The following ANKFN1 variants were observed in gnomAD, a reference collection of about 807,000 sequenced individuals.
The protein encoded by ANKFN1 is ankyrin repeat and fibronectin type-III domain-containing protein 1.
A neutral mutation model predicts 108.7 loss-of-function variants in ANKFN1; 74 were observed. The ratio of observed to expected loss-of-function variants is 0.68; its 90% CI spans 0.56 to 0.83. The LOEUF (loss-of-function observed/expected upper bound fraction) is 0.83, where lower values mean the gene tolerates loss of function less well. Ranked by LOEUF, ANKFN1 falls within the 40% of genes least tolerant of loss-of-function variation. The pLI is 0.00. For synonymous variants in ANKFN1, 547 were observed against 516.2 expected, an observed-to-expected ratio of 1.06 and a Z score of -0.81; for missense variants, 1,505 against 1,382.3, an observed-to-expected ratio of 1.09 and a Z score of -1.41.
chr17:56,254,210 C>A (rs2043303840), intron 3 of ANKFN1: 1 of 152,172 alleles, frequency 6.6e-6, no homozygotes, highest in Non-Finnish European at 1.5e-5. Context: ...CCATTCTCAC[C>A]ATTATCCCAG....
At chr17:56,406,322 A>C (rs2047919838) in intron 8 of ANKFN1, among the ~76,000 whole-genome samples, 1 of 152,190 alleles carries the variant, frequency 6.6e-6, no homozygotes, top group Non-Finnish European at 1.5e-5. Flanking sequence ...AGGAGAAAAC[A>C]ATACAGTAAG....
At chr17:56,285,062 AT>A (rs1284667060) in intron 3 of ANKFN1, among the ~76,000 whole-genome samples, 2 of 152,210 alleles carry the variant, frequency 1.3e-5, no homozygotes, top group Admixed American at 6.5e-5. Flanking sequence ...ATAGAAAGGA[AT>A]CTTTGAGTAC....
chr17:56,493,762 A>G (rs1457485770), intron 19 of ANKFN1, among the ~76,000 whole-genome samples: 3 of 152,106 alleles, frequency 2.0e-5, no homozygotes, highest in Admixed American at 1.3e-4. Flanking sequence ...ATTCACTCTT[A>G]TTGGTCATGC....
intron 1 of ANKFN1, among the ~76,000 whole-genome samples, chr17:56,159,625 T>C (rs1326187453): frequency 6.6e-6 from 1 of 152,248 alleles, no homozygotes; most frequent in African/African-American, 2.4e-5. Flanking sequence ...ACAGTGTCCA[T>C]TGGAGACACA....
intron 4 of ANKFN1, among the ~76,000 whole-genome samples, chr17:56,139,450 CAG>C (rs1727635762): frequency 6.6e-6 from 1 of 152,146 alleles, no homozygotes; most frequent in South Asian, 2.1e-4. Context: ...CCATTAGAAT[CAG>C]GGGTTCTGCC....
intron 3 of ANKFN1, among the ~76,000 whole-genome samples, chr17:56,283,040 G>A (rs545806248): frequency 1.3e-5 from 2 of 152,266 alleles, no homozygotes; most frequent in East Asian, 3.9e-4. Flanking sequence ...TGCATGTCAA[G>A]GGAGTTTGGT....
chr17:56,334,060 A>C (rs148244976), intron 4 of ANKFN1, among the ~76,000 whole-genome samples: 2 of 152,170 alleles, frequency 1.3e-5, no homozygotes, highest in African/African-American at 4.8e-5. Flanking sequence ...GTATTATTAA[A>C]TTAAAATAAC....
chr17:56,472,516 C>T (rs2050355362), intron 15 of ANKFN1: 1 of 152,194 alleles, frequency 6.6e-6, no homozygotes, highest in African/African-American at 2.4e-5. Context: ...TGAAGACCAG[C>T]CCCAGACCCC....
At chr17:56,497,377 A>G (rs888545418) in intron 19 of ANKFN1, among the ~76,000 whole-genome samples, 3 of 152,160 alleles carry the variant, frequency 2.0e-5, no homozygotes, top group Non-Finnish European at 4.4e-5. Flanking sequence ...TACTCTGCTG[A>G]GTCTTGTCAC....
chr17:56,262,541 G>T (rs915663404), intron 3 of ANKFN1, among the ~76,000 whole-genome samples: 5 of 152,162 alleles, frequency 3.3e-5, no homozygotes, highest in African/African-American at 1.2e-4. Flanking sequence ...TTCAAGTCAA[G>T]ACTTTCAGCA....
chr17:56,477,619 C>G lies in ANKFN1; in HGVS notation c.1905C>G (p.Cys635Trp). Reference sequence around the variant, plus strand: ...CCCAAAAGTTGCCCAACATTCTCTGCCACGTGAAGATCCGTGAAAACAATA... The same window carrying G: ...CCCAAAAGTTGCCCAACATTCTCTGGCACGTGAAGATCCGTGAAAACAATA... Reference protein sequence around the residue: ...LVTQKLPNILCHVKIRENNNI... With the variant: ...LVTQKLPNILWHVKIRENNNI... Residue 635 changes from cysteine (C) to tryptophan (W), a missense_variant, in exon 16 of 21, where the codon TGC becomes TGG. Coordinates refer to ENST00000682825, the MANE Select transcript of ANKFN1 (RefSeq NM_001370326.1). 6.2e-7 allele frequency: 1 copy of G among 1,613,620 alleles called. No homozygotes were observed. The highest frequency in any genetic ancestry group is 8.5e-7 in the Non-Finnish European group (1 of 1,179,826).
intron 3 of ANKFN1, among the ~76,000 whole-genome samples, chr17:56,257,256 A>G (rs554481568): frequency 1.3e-5 from 2 of 152,102 alleles, no homozygotes; most frequent in African/African-American, 4.8e-5. Context: ...ACTAAGAAAA[A>G]CCGACACTAG....
chr17:56,430,717 TGCTATGGCATATGCTA>T (rs1430909576), intron 8 of ANKFN1, among the ~76,000 whole-genome samples: 1 of 152,236 alleles, frequency 6.6e-6, no homozygotes, highest in Non-Finnish European at 1.5e-5. Context: ...ATCTTCTGCA[TGCTATGGCATATGCTA>T]GCTGCTGAGG....
chr17:56,278,429 A>G (rs1191655286), intron 3 of ANKFN1, among the ~76,000 whole-genome samples: 1 of 152,234 alleles, frequency 6.6e-6, no homozygotes, highest in Admixed American at 6.5e-5. Flanking sequence ...AGATAAAAAT[A>G]ACAGAAAGAA....
intron 4 of ANKFN1, among the ~76,000 whole-genome samples, chr17:56,048,972 T>A (rs1904727702): frequency 6.6e-6 from 1 of 152,238 alleles, no homozygotes; most frequent in South Asian, 2.1e-4. Context: ...TGTCTTATAG[T>A]TTCCACTGCC....
chr17:56,355,347 G>A (rs1400567342), intron 6 of ANKFN1, among the ~76,000 whole-genome samples: 2 of 152,174 alleles, frequency 1.3e-5, no homozygotes, highest in Non-Finnish European at 2.9e-5. Flanking sequence ...ATGAGAAGAT[G>A]TGGGGGTCAA....
chr17:56,059,192 T>A (rs1904930216), intron 4 of ANKFN1, among the ~76,000 whole-genome samples: 1 of 152,136 alleles, frequency 6.6e-6, no homozygotes, highest in Admixed American at 6.5e-5. Flanking sequence ...TCAGTGATGT[T>A]GAGCTTTTTT....
intron 4 of ANKFN1, among the ~76,000 whole-genome samples, chr17:56,086,119 A>C (rs1265252682): frequency 6.6e-6 from 1 of 151,186 alleles, no homozygotes; most frequent in South Asian, 2.1e-4. Context: ...TTTAAAAATC[A>C]ATTTGTGCCA....
chr17:56,434,557 G>A (rs2048870644), intron 8 of ANKFN1, among the ~76,000 whole-genome samples: 1 of 152,134 alleles, frequency 6.6e-6, no homozygotes, highest in Non-Finnish European at 1.5e-5. Context: ...AGTAATGCAT[G>A]CCCCTGTTCC....
Sources: allele counts gnomAD v4.1 joint callset (sites outside exome capture counted in the v4.1 genomes callset), GRCh38; gene constraint gnomAD v4.1.1; transcripts MANE v1.5; gene names NCBI Gene and HGNC (gene_info 2026-07-23, HGNC 2026-07-21).